MCUB: variants seen among roughly 807,000 people sequenced by gnomAD.
MCUB encodes calcium uniporter regulatory subunit MCUb, mitochondrial.
In MCUB, 46 loss-of-function variants were observed where a neutral mutation model predicts 41.4. That is an observed-to-expected ratio of 1.11 (90% CI 0.88 to 1.42). The LOEUF (loss-of-function observed/expected upper bound fraction) is 1.42. Ranked by LOEUF, MCUB falls within the 40% of genes most tolerant of loss-of-function variation. The pLI, the probability that MCUB is intolerant of heterozygous loss-of-function variation, is 0.00. For synonymous variants in MCUB, 148 were observed against 148.2 expected, an observed-to-expected ratio of 1.00 and a Z score of 0.01; for missense variants, 403 against 404.9, an observed-to-expected ratio of 1.00 and a Z score of 0.04.
At chr4:109,659,830 G>T (rs749375462) in intron 2 of MCUB, among the ~76,000 whole-genome samples, 1 of 152,034 alleles carries the variant, frequency 6.6e-6, no homozygotes, top group South Asian at 2.1e-4. Context: ...CTTAATTTTC[G>T]TATATTTTGT....
rs532434342 is a variant in MCUB, at chr4:109,560,651, G to C, written c.99+215G>C. ...CTGAGGTCAAGACTCCGGGCCCGGG[G>C]AAGGTGAAGCCAGAGCGCTGCGGCT... On this transcript the variant is annotated intron_variant, in intron 1 of 7. Transcript: ENST00000394650. Among the ~76,000 whole-genome samples the C allele has an allele frequency of 2.4e-3, 368 of 152,324 alleles. 1 individual carries two copies. Among genetic ancestry groups the C allele is most frequent in the African/African-American group, 8.3e-3 (344 of 41,580 alleles).
At chr4:109,650,594 T>G (rs981872243) in intron 1 of MCUB, among the ~76,000 whole-genome samples, 2 of 152,234 alleles carry the variant, frequency 1.3e-5, no homozygotes, top group African/African-American at 2.4e-5. Context: ...CTGAACTATT[T>G]GAGAATACAT....
At chr4:109,576,716 C>T (rs1263218305) in intron 1 of MCUB, among the ~76,000 whole-genome samples, 1 of 152,134 alleles carries the variant, frequency 6.6e-6, no homozygotes, top group Non-Finnish European at 1.5e-5. Context: ...AAGGATGATT[C>T]ACAGAGATGT....
intron 1 of MCUB, among the ~76,000 whole-genome samples, chr4:109,616,246 T>C (rs1728124252): frequency 6.6e-6 from 1 of 151,676 alleles, no homozygotes; most frequent in African/African-American, 2.4e-5. Context: ...TTGCTTACAT[T>C]GTAGCTACCT....
At chr4:109,575,674 G>A (rs1317559661) in intron 1 of MCUB, among the ~76,000 whole-genome samples, 1 of 152,144 alleles carries the variant, frequency 6.6e-6, no homozygotes, top group Non-Finnish European at 1.5e-5. Flanking sequence ...ACCTCTCTTG[G>A]AGAGAAAATA....
At chr4:109,685,868 T>A (rs1302988804) in intron 7 of MCUB, among the ~76,000 whole-genome samples, 3 of 152,254 alleles carry the variant, frequency 2.0e-5, no homozygotes, top group Non-Finnish European at 2.9e-5. Flanking sequence ...AAGTACTTTT[T>A]CACAGTCTGC....
chr4:109,645,328 C>T (rs1035479423), intron 1 of MCUB, among the ~76,000 whole-genome samples: 4 of 148,528 alleles, frequency 2.7e-5, no homozygotes, highest in East Asian at 3.9e-4. Context: ...ATCCTATCCT[C>T]TCCCCTCCAT....
At chr4:109,580,307 C>T (rs1243871030) in intron 1 of MCUB, among the ~76,000 whole-genome samples, 1 of 152,150 alleles carries the variant, frequency 6.6e-6, no homozygotes, top group African/African-American at 2.4e-5. Context: ...GGTTCCAAGT[C>T]TTTGCTATGG....
chr4:109,617,846 T>C (rs6533440), intron 1 of MCUB, among the ~76,000 whole-genome samples: 74,400 of 152,020 alleles, frequency 0.49, 19,321 homozygotes, highest in South Asian at 0.64. Context: ...TTTGATCTCT[T>C]TTTATACCTA....
intron 1 of MCUB, among the ~76,000 whole-genome samples, chr4:109,580,698 A>C (rs1727150829): frequency 6.6e-6 from 1 of 152,116 alleles, no homozygotes; most frequent in Non-Finnish European, 1.5e-5. Flanking sequence ...GTGTCTGTTC[A>C]TATCCTTCGC....
rs530826846 is a variant in MCUB, at chr4:109,670,533, T to C, written c.451+6139T>C. ...GGAGTTTGAGATCAGCCTGCCAACA[T>C]GGTGAAACCCTGTCTCTACTAAAAA... On this transcript the variant is annotated intron_variant, in intron 4 of 7. Transcript: ENST00000394650. Among the ~76,000 whole-genome samples the C allele has an allele frequency of 1.8e-3, 273 of 152,110 alleles. 1 individual carries two copies. The highest frequency in any genetic ancestry group is 2.6e-3 in the Non-Finnish European group (174 of 67,986).
chr4:109,592,806 T>C (rs1727468592), intron 1 of MCUB, among the ~76,000 whole-genome samples: 1 of 152,212 alleles, frequency 6.6e-6, no homozygotes, highest in African/African-American at 2.4e-5. Flanking sequence ...TATTAACTCA[T>C]ACTTCTATAA....
intron 1 of MCUB, among the ~76,000 whole-genome samples, chr4:109,652,779 G>A (rs1334805325): frequency 6.6e-6 from 1 of 152,206 alleles, no homozygotes; most frequent in Non-Finnish European, 1.5e-5. Context: ...CAAGCCTGAA[G>A]TAATTTTCCT....
chr4:109,631,069 A>G (rs983030305), intron 1 of MCUB, among the ~76,000 whole-genome samples: 4 of 152,166 alleles, frequency 2.6e-5, no homozygotes, highest in African/African-American at 9.7e-5. Context: ...CTAGATACTC[A>G]ATTTCTGGAC....
At chr4:109,599,481 G>C (rs1727678098) in intron 1 of MCUB, among the ~76,000 whole-genome samples, 1 of 152,092 alleles carries the variant, frequency 6.6e-6, no homozygotes, top group Non-Finnish European at 1.5e-5. Context: ...TACTTCAGTA[G>C]TGTTGAGGGA....
chr4:109,637,540 A>G (rs1379460774), intron 1 of MCUB, among the ~76,000 whole-genome samples: 1 of 151,984 alleles, frequency 6.6e-6, no homozygotes, highest in Non-Finnish European at 1.5e-5. Context: ...AATGTAGTGT[A>G]CACACACACA....
chr4:109,641,456 C>T (rs1728714784), intron 1 of MCUB, among the ~76,000 whole-genome samples: 1 of 152,076 alleles, frequency 6.6e-6, no homozygotes, highest in Non-Finnish European at 1.5e-5. Flanking sequence ...GACCATGTTT[C>T]CTGGTGCCCC....
At chr4:109,577,417 ACTCAGTCCCC>A (rs1727056471) in intron 1 of MCUB, among the ~76,000 whole-genome samples, 1 of 152,148 alleles carries the variant, frequency 6.6e-6, no homozygotes, top group Non-Finnish European at 1.5e-5. Flanking sequence ...GCTTTGTCTC[ACTCAGTCCCC>A]CTCACTTCTG....
rs571830577 is a variant in MCUB at position 109,583,911 on chromosome 4, G to A, written c.99+23475G>A. Among the ~76,000 whole-genome samples, 95 of 152,194 alleles carry A rather than the reference G, an allele frequency of 6.2e-4. 1 individual carries two copies. The highest frequency in any genetic ancestry group is 2.7e-3 in the South Asian group (13 of 4,824). Reference sequence around the variant, plus strand: ...ACCAGCCTTGCATCCCAGGGATGAAGCCAACTTGATCGTGGTGGATAAGCT... The same window carrying A: ...ACCAGCCTTGCATCCCAGGGATGAAACCAACTTGATCGTGGTGGATAAGCT... On this transcript the variant is annotated intron_variant, in intron 1 of 7. Transcript: ENST00000394650.
Sources: allele counts gnomAD v4.1 joint callset (sites outside exome capture counted in the v4.1 genomes callset), GRCh38; gene constraint gnomAD v4.1.1; transcripts MANE v1.5; gene names NCBI Gene and HGNC (gene_info 2026-07-23, HGNC 2026-07-21).